The following CMIP variants were observed in gnomAD, a reference collection of about 807,000 sequenced individuals.
CMIP encodes c-Maf inducing protein.
In CMIP, 13 loss-of-function variants were observed where a neutral mutation model predicts 97.3. The observed-to-expected ratio is 0.13, with a 90% CI of 0.09 to 0.21. The LOEUF is 0.21. Ranked by LOEUF, CMIP falls within the 10% of genes least tolerant of loss-of-function variation. CMIP has a pLI of 1.00. For synonymous variants in CMIP, 538 were observed against 436.3 expected (o/e 1.23, Z -2.91); for missense variants, 847 against 1,024.9 (o/e 0.83, Z 2.37).
intron 10 of CMIP, among the ~76,000 whole-genome samples, chr16:81,682,205 A>G (rs1904941484): frequency 2.0e-5 from 3 of 151,678 alleles, no homozygotes; most frequent in Admixed American, 6.6e-5. Flanking sequence ...CTCCATCTCA[A>G]TAATAAAAGC....
chr16:81,625,517 A>G (rs1016087275), intron 3 of CMIP, among the ~76,000 whole-genome samples: 1 of 152,258 alleles, frequency 6.6e-6, no homozygotes, highest in Non-Finnish European at 1.5e-5. Context: ...ACACGAGGCC[A>G]TGAAGGCCCA....
At chr16:81,475,538 A>G (rs1907853280) in intron 1 of CMIP, among the ~76,000 whole-genome samples, 1 of 152,184 alleles carries the variant, frequency 6.6e-6, no homozygotes, top group South Asian at 2.1e-4. Context: ...CATAAACTTA[A>G]CTCAACTCTG....
rs937521111 is a variant in CMIP, at chr16:81,453,247, G to T, written c.300+7706G>T. The stretch of plus-strand genomic sequence containing the variant: ...TCAGAAATGGTAGGGTGGACGGAGC[G>T]ACTAAACTGATTGTGCTGGGCGAAC... On this transcript the variant is annotated intron_variant, in intron 1 of 20. Transcript: ENST00000537098. This position sits in a 1 kb window ranked among gnomAD's most constrained non-coding sequence, Gnocchi z 4.0. Among the ~76,000 whole-genome samples the T allele has an allele frequency of 6.6e-5, 10 of 152,182 alleles. No homozygotes were observed. Among genetic ancestry groups the T allele is most frequent in the African/African-American group, 2.2e-4 (9 of 41,452 alleles).
intron 1 of CMIP, among the ~76,000 whole-genome samples, chr16:81,580,676 T>G (rs2091281491): frequency 6.6e-6 from 1 of 151,644 alleles, no homozygotes; most frequent in South Asian, 2.1e-4. Context: ...CCTCAAGTGA[T>G]CCACCCGTCT....
In CMIP at chr16:81,661,057, G is replaced by C. The variant is rs948632303; in HGVS notation, c.744+111G>C. Reference sequence around the variant, plus strand: ...CCAAAAACCTGGGCCCCACCGTCTTGGGTCACGGTCCCAGACACAGGCGGA... The same window carrying C: ...CCAAAAACCTGGGCCCCACCGTCTTCGGTCACGGTCCCAGACACAGGCGGA... On this transcript the variant is annotated intron_variant, in intron 6 of 20. Transcript: ENST00000537098. 3 of 1,326,014 alleles carry C rather than the reference G, an allele frequency of 2.3e-6. No individual in the cohort carries two copies. The Admixed American group carries it at 5.0e-5, about 22-fold the overall frequency. The allele number at this position is 1,326,014 out of a possible 1,614,324, so 82.1% of individuals were successfully genotyped here. A position where few individuals can be genotyped will look rare whatever the true frequency, so the allele number is the denominator to read the frequency against.
chr16:81,628,845 A>G (rs1053945637), intron 3 of CMIP, among the ~76,000 whole-genome samples: 1 of 152,076 alleles, frequency 6.6e-6, no homozygotes, highest in Non-Finnish European at 1.5e-5. Context: ...CACTAGGGTT[A>G]TGTGAATTGG....
chr16:81,452,252 C>T (rs1292190967), intron 1 of CMIP, among the ~76,000 whole-genome samples: 1 of 152,174 alleles, frequency 6.6e-6, no homozygotes, highest in African/African-American at 2.4e-5. Context: ...AATCCTGCCT[C>T]TGCAGTGTCC....
At chr16:81,508,925 C>T (rs1378456669) in intron 1 of CMIP, among the ~76,000 whole-genome samples, 1 of 152,188 alleles carries the variant, frequency 6.6e-6, no homozygotes, top group Admixed American at 6.5e-5. Context: ...GAGTGGTTCT[C>T]CCTTGGCCTT....
chr16:81,680,303 G>A (rs914719332), intron 10 of CMIP, among the ~76,000 whole-genome samples: 4 of 152,336 alleles, frequency 2.6e-5, no homozygotes, highest in African/African-American at 9.6e-5. Context: ...TCAGGGTTTC[G>A]AGGGACAGAG....
intron 10 of CMIP, among the ~76,000 whole-genome samples, chr16:81,681,461 T>A (rs1260264598): frequency 6.6e-6 from 1 of 152,158 alleles, no homozygotes; most frequent in Non-Finnish European, 1.5e-5. Flanking sequence ...GAGCCTCCGG[T>A]CCCAGGCTGG....
chr16:81,594,228 C>G (rs1205283092), intron 1 of CMIP, among the ~76,000 whole-genome samples: 1 of 150,670 alleles, frequency 6.6e-6, no homozygotes, highest in East Asian at 1.9e-4. Flanking sequence ...AGTGATCCTC[C>G]CACCTCAGCC....
chr16:81,522,711 T>C (rs937088410), intron 1 of CMIP, among the ~76,000 whole-genome samples: 1 of 152,134 alleles, frequency 6.6e-6, no homozygotes, highest in Admixed American at 6.5e-5. Flanking sequence ...GACTAGAGCA[T>C]TGTTAGTATG....
chr16:81,492,633 G>A (rs1456305168), intron 1 of CMIP, among the ~76,000 whole-genome samples: 1 of 152,184 alleles, frequency 6.6e-6, no homozygotes, highest in African/African-American at 2.4e-5. Context: ...AGGGCCTGGG[G>A]ACAAAGGCGC....
chr16:81,677,000 A>G (rs1406546499), intron 9 of CMIP, among the ~76,000 whole-genome samples: 1 of 152,236 alleles, frequency 6.6e-6, no homozygotes, highest in African/African-American at 2.4e-5. Flanking sequence ...AACCTTGACC[A>G]CACACGAGGA....
chr16:81,541,170 C>T (rs1451640413), intron 1 of CMIP, among the ~76,000 whole-genome samples: 1 of 152,134 alleles, frequency 6.6e-6, no homozygotes, highest in Non-Finnish European at 1.5e-5. Flanking sequence ...CCACCCCCGA[C>T]CCTGTTCCTA....
intron 14 of CMIP, chr16:81,696,990 C>T (rs1051907707): frequency 2.6e-6 from 1 of 386,398 alleles, no homozygotes; most frequent in African/African-American, 2.1e-5. Flanking sequence ...TGCCTAAGGT[C>T]ACACAGTTCA....
chr16:81,577,999 C>G (rs898060515), intron 1 of CMIP, among the ~76,000 whole-genome samples: 1 of 151,428 alleles, frequency 6.6e-6, no homozygotes, highest in Non-Finnish European at 1.5e-5. Context: ...ACCATCATCA[C>G]CATCACCTTC....
intron 5 of CMIP, among the ~76,000 whole-genome samples, chr16:81,660,249 C>T (rs1480072328): frequency 2.0e-5 from 3 of 151,966 alleles, no homozygotes; most frequent in Admixed American, 6.6e-5. Flanking sequence ...CTTAAAATCT[C>T]ATTTTGCAAG....
intron 7 of CMIP, among the ~76,000 whole-genome samples, chr16:81,668,889 G>A (rs62043841): frequency 7.1e-3 from 294 of 41,548 alleles, no homozygotes; most frequent in East Asian, 0.027. Flanking sequence ...ATTGCCTTCC[G>A]TACCCACCTC....
Sources: gnomAD v4.1 joint callset for allele counts (sites outside exome capture counted in the v4.1 genomes callset) on GRCh38, gnomAD v4.1.1 for gene constraint, Gnocchi (gnomAD v3.1) non-coding constraint, MANE v1.5 for transcripts, NCBI Gene and HGNC (gene_info 2026-07-23, HGNC 2026-07-21) for gene names.